The following FRMD4A variants were observed in gnomAD, a reference collection of about 807,000 sequenced individuals.
FRMD4A encodes FERM domain containing 4A.
Under a neutral mutation model 129.1 loss-of-function variants are expected in FRMD4A, and 29 were observed. The observed-to-expected ratio is 0.22, with a 90% CI of 0.17 to 0.31. FRMD4A has a LOEUF of 0.31. Ranked by LOEUF, FRMD4A falls within the 10% of genes least tolerant of loss-of-function variation. The pLI is 1.00. For synonymous variants in FRMD4A, 634 were observed against 571.6 expected (o/e 1.11, Z -1.56); for missense variants, 1,272 against 1,375.8 (o/e 0.92, Z 1.19).
intron 5 of FRMD4A, among the ~76,000 whole-genome samples, chr10:13,792,897 T>C (rs772667913): frequency 5.9e-5 from 9 of 152,196 alleles, no homozygotes; most frequent in Non-Finnish European, 1.2e-4. Context: ...GAAATGCTTA[T>C]AGAGGAGATG....
In FRMD4A at chr10:13,737,942, A is replaced by G. The variant is rs1237146347; in HGVS notation, c.673-12T>C. 1 of 1,533,032 alleles carries G rather than the reference A, an allele frequency of 6.5e-7. No homozygotes were observed. The highest frequency in any genetic ancestry group is 1.7e-5 in the Admixed American group (1 of 59,816). 95.0% of individuals were successfully genotyped at this position (1,533,032 alleles called of 1,614,324 possible). ...ATGCCCTGCTTGTCCTAGGATATCA[A>G]AAAAAGTTTGGGTGAATATGGGACT... On this transcript the variant is annotated splice_polypyrimidine_tract_variant and intron_variant, in intron 11 of 24. Coordinates refer to ENST00000357447, the MANE Select transcript of FRMD4A (RefSeq NM_018027.5).
At chr10:13,844,387 G>A (rs142557623) in intron 3 of FRMD4A, among the ~76,000 whole-genome samples, 48 of 152,194 alleles carry the variant, frequency 3.2e-4, no homozygotes, top group African/African-American at 1.1e-3. Flanking sequence ...TATCCTTTTG[G>A]AGGATTATTA....
intron 2 of FRMD4A, among the ~76,000 whole-genome samples, chr10:13,899,138 G>A (rs543897963): frequency 6.6e-6 from 1 of 151,890 alleles, no homozygotes; most frequent in Non-Finnish European, 1.5e-5. Context: ...CTCCAGCCTG[G>A]GTGACAGAGC....
At chr10:13,930,762 T>C (rs577420565) in intron 2 of FRMD4A, among the ~76,000 whole-genome samples, 28 of 152,260 alleles carry the variant, frequency 1.8e-4, no homozygotes, top group Non-Finnish European at 3.8e-4. Context: ...TTAATTGCTA[T>C]AGAATCCCAG....
intron 2 of FRMD4A, among the ~76,000 whole-genome samples, chr10:14,317,376 C>G (rs2132114139): frequency 6.6e-6 from 1 of 152,308 alleles, no homozygotes; most frequent in African/African-American, 2.4e-5. Flanking sequence ...CTACTGTCCA[C>G]TACCACTTAC....
chr10:14,213,801 T>C (rs545932151), intron 2 of FRMD4A, among the ~76,000 whole-genome samples: 2 of 152,336 alleles, frequency 1.3e-5, no homozygotes, highest in East Asian at 1.9e-4. Flanking sequence ...AGGGACCTGA[T>C]GGGAAGTAAT....
chr10:13,709,736 C>T (rs1157474349), intron 12 of FRMD4A, among the ~76,000 whole-genome samples: 6 of 152,178 alleles, frequency 3.9e-5, no homozygotes, highest in Admixed American at 2.0e-4. Flanking sequence ...CAGGATCGGC[C>T]TTCTGGGTGT....
At chr10:13,750,209 C>G (rs1290808977) in intron 8 of FRMD4A, among the ~76,000 whole-genome samples, 3 of 152,138 alleles carry the variant, frequency 2.0e-5, no homozygotes, top group Non-Finnish European at 4.4e-5. Context: ...TGACCATGAC[C>G]AACTAGAGGG....
At chr10:14,141,368 C>A (rs993292618) in intron 2 of FRMD4A, among the ~76,000 whole-genome samples, 14 of 152,144 alleles carry the variant, frequency 9.2e-5, no homozygotes, top group African/African-American at 3.1e-4. Flanking sequence ...GGGCACACAA[C>A]CCCTTCACCA....
intron 2 of FRMD4A, among the ~76,000 whole-genome samples, chr10:14,199,632 C>G (rs1411164950): frequency 6.6e-6 from 1 of 152,140 alleles, no homozygotes; most frequent in Admixed American, 6.5e-5. Context: ...TCAGGTGATC[C>G]ACCTGCCTTG....
chr10:13,741,856 G>GTGTTTT (rs937194927), intron 9 of FRMD4A, among the ~76,000 whole-genome samples: 25 of 152,188 alleles, frequency 1.6e-4, no homozygotes, highest in East Asian at 1.2e-3. Flanking sequence ...GAAATCTTAG[G>GTGTTTT]TGTTTTTGTT....
At chr10:13,843,812 T>C (rs538159242) in intron 3 of FRMD4A, among the ~76,000 whole-genome samples, 104 of 152,322 alleles carry the variant, frequency 6.8e-4, no homozygotes, top group African/African-American at 2.3e-3. Context: ...TTCCTGCTTT[T>C]GAACATTATT....
chr10:14,310,680 A>C (rs2480546), intron 2 of FRMD4A, among the ~76,000 whole-genome samples: 8,121 of 152,178 alleles, frequency 0.053, 646 homozygotes, highest in African/African-American at 0.17. Context: ...CAGAAATTCG[A>C]GCGCTATGCA....
intron 2 of FRMD4A, among the ~76,000 whole-genome samples, chr10:14,110,473 G>C (rs1837842425): frequency 6.6e-6 from 1 of 152,158 alleles, no homozygotes; most frequent in East Asian, 1.9e-4. Context: ...TGATCTGTAA[G>C]GCTATTCTCT....
intron 2 of FRMD4A, among the ~76,000 whole-genome samples, chr10:14,229,881 C>T (rs901910550): frequency 2.0e-5 from 3 of 152,202 alleles, no homozygotes; most frequent in Non-Finnish European, 4.4e-5. Flanking sequence ...CTATCCTGTC[C>T]TCTCTACATG....
intron 2 of FRMD4A, among the ~76,000 whole-genome samples, chr10:14,199,686 G>T (rs1281256246): frequency 6.6e-6 from 1 of 152,064 alleles, no homozygotes; most frequent in Non-Finnish European, 1.5e-5. Context: ...CACCGTGCCT[G>T]TTATTTTAGA....
chr10:13,791,432 C>T (rs1394510000), intron 5 of FRMD4A, among the ~76,000 whole-genome samples: 2 of 141,762 alleles, frequency 1.4e-5, no homozygotes, highest in Non-Finnish European at 1.5e-5. Context: ...AGGACCAGTC[C>T]AACCCTGCGG....
At chr10:13,866,027 C>A (rs1201233994) in intron 2 of FRMD4A, among the ~76,000 whole-genome samples, 1 of 152,096 alleles carries the variant, frequency 6.6e-6, no homozygotes, top group Non-Finnish European at 1.5e-5. Flanking sequence ...CCGTGAAAAG[C>A]AAGCCACCAC....
At chr10:14,319,367 T>TCTCTCTCTCACACACA (rs112041665) in intron 2 of FRMD4A, among the ~76,000 whole-genome samples, 2 of 145,156 alleles carry the variant, frequency 1.4e-5, no homozygotes, top group East Asian at 2.0e-4. Context: ...TCTCTCTCTC[T>TCTCTCTCTCACACACA]CACACACACA....
Sources: gnomAD v4.1 joint callset for allele counts (sites outside exome capture counted in the v4.1 genomes callset) on GRCh38, gnomAD v4.1.1 for gene constraint, MANE v1.5 for transcripts, NCBI Gene and HGNC (gene_info 2026-07-23, HGNC 2026-07-21) for gene names.